The following CFAP97D2 variants were observed in gnomAD, a reference collection of about 807,000 sequenced individuals.
CFAP97D2 encodes CFAP97 domain containing 2, also known as uncharacterized protein CFAP97D2.
intron 4 of CFAP97D2, among the ~76,000 whole-genome samples, chr13:114,216,618 A>G (rs2080994527): frequency 1.3e-5 from 2 of 152,122 alleles, no homozygotes; most frequent in Admixed American, 1.3e-4. Flanking sequence ...AAGGACATGA[A>G]CTCATCCTTT....
rs1417990488 is a variant in CFAP97D2 at position 114,222,218 on chromosome 13, C to T, written c.481-280C>T. Among the ~76,000 whole-genome samples, 1 of 151,902 alleles carries T rather than the reference C, an allele frequency of 6.6e-6. No individual in the cohort carries two copies. Among genetic ancestry groups the T allele is most frequent in the African/African-American group, 2.4e-5 (1 of 41,366 alleles). On this transcript the variant is annotated intron_variant, in intron 4 of 4. Transcript: ENST00000646158. The surrounding 1 kb of genome is among the most constrained non-coding windows in gnomAD (Gnocchi z 4.4). ...GGGGAAGGGAAATTGGGGAGTGATCCCAAAGGAGTTTGATTTTTGGAGGGG... is the reference window on the plus strand; with the variant it reads ...GGGGAAGGGAAATTGGGGAGTGATCTCAAAGGAGTTTGATTTTTGGAGGGG...
At chr13:114,212,488 G>T (rs1374956707) in intron 4 of CFAP97D2, among the ~76,000 whole-genome samples, 1 of 152,184 alleles carries the variant, frequency 6.6e-6, no homozygotes, top group Admixed American at 6.5e-5. Flanking sequence ...GCTGAGGTAG[G>T]AGCATCGCTT....
At chr13:114,196,358 A>T in intron 1 of CFAP97D2, 38 bp from the exon 2 acceptor site, 1 of 399,568 alleles carries the variant, frequency 2.5e-6, no homozygotes, top group Non-Finnish European at 4.4e-6. Flanking sequence ...TCTGTTTCCA[A>T]TACTGCGCCC....
Position 114,184,352 on chromosome 13 carries a change from G to A in CFAP97D2, c.90+4932G>A, listed in dbSNP as rs78862386. ...AATAATGAATGAGAATTTCCACCAC[G>A]TTAATGTCAGACACCAAGCCACAGA... On this transcript the variant is annotated intron_variant, in intron 1 of 4. Coordinates refer to ENST00000646158, the Ensembl canonical transcript of CFAP97D2. Among the ~76,000 whole-genome samples, 1,327 of 152,324 alleles carry A rather than the reference G, an allele frequency of 8.7e-3. 98 individuals are homozygous for A. In the East Asian group the frequency reaches 0.19, roughly 22 times the overall value.
At position 114,185,405 on chromosome 13, in the gene CFAP97D2, G is replaced by A. The variant is rs1188983236; in HGVS notation, c.90+5985G>A. On this transcript the variant is annotated intron_variant, in intron 1 of 4. Transcript: ENST00000646158. The surrounding 1 kb of genome is among the most constrained non-coding windows in gnomAD (Gnocchi z 5.2). ...GACCTGGAACCCCCACCCCGGCTGT[G>A]AGGAGGCATGGCCAGGGCTGCACAC... Among the ~76,000 whole-genome samples, 1 of 152,206 alleles carries A rather than the reference G, an allele frequency of 6.6e-6. No homozygotes were observed. The highest frequency in any genetic ancestry group is 1.5e-5 in the Non-Finnish European group (1 of 68,026).
chr13:114,220,300 T>C (rs1451321447), intron 4 of CFAP97D2, among the ~76,000 whole-genome samples: 1 of 152,010 alleles, frequency 6.6e-6, no homozygotes, highest in Admixed American at 6.6e-5. Flanking sequence ...ACTTTACCTT[T>C]ATAGTCCCAG....
chr13:114,209,540 A>G (rs2138780303), intron 3 of CFAP97D2, among the ~76,000 whole-genome samples: 1 of 152,192 alleles, frequency 6.6e-6, no homozygotes. Flanking sequence ...CTTCACCTAA[A>G]TGTCACATGG....
At chr13:114,197,994 T>G (rs183950584) in intron 2 of CFAP97D2, among the ~76,000 whole-genome samples, 12 of 152,226 alleles carry the variant, frequency 7.9e-5, no homozygotes, top group South Asian at 6.2e-4. Flanking sequence ...TTTTCTTTTT[T>G]TATTTTGTTT....
intron 1 of CFAP97D2, among the ~76,000 whole-genome samples, chr13:114,194,688 C>T (rs117302734): frequency 0.012 from 1,758 of 151,348 alleles, 97 homozygotes; most frequent in Admixed American, 0.081. Flanking sequence ...ACTGCTTCTA[C>T]GTTTACCAAC....
intron 1 of CFAP97D2, among the ~76,000 whole-genome samples, chr13:114,182,527 C>A (rs1273628657): frequency 6.6e-6 from 1 of 151,766 alleles, no homozygotes; most frequent in Non-Finnish European, 1.5e-5. Context: ...TCTTTCTCAT[C>A]CCACGAGGCC....
chr13:114,216,233 A>G (rs1482293716), intron 4 of CFAP97D2, among the ~76,000 whole-genome samples: 1 of 152,010 alleles, frequency 6.6e-6, no homozygotes, highest in African/African-American at 2.4e-5. Flanking sequence ...TTTTATCCAC[A>G]TTGTCACCTC....
chr13:114,188,513 C>T (rs757929340), intron 1 of CFAP97D2, among the ~76,000 whole-genome samples: 25 of 152,070 alleles, frequency 1.6e-4, no homozygotes, highest in South Asian at 2.1e-4. Context: ...TGCAGTGGCT[C>T]ATGCCTGTAA....
In CFAP97D2 at chr13:114,207,494, G is replaced by T. The variant is rs186333348; in HGVS notation, c.291-4418G>T. Among the ~76,000 whole-genome samples the T allele has an allele frequency of 6.6e-6, 1 of 152,128 alleles. No individual in the cohort carries two copies. The highest frequency in any genetic ancestry group is 6.5e-5 in the Admixed American group (1 of 15,274). ...GGCATTAGATTTTCATAAGGAACAC[G>T]CAGCTTAGATCTCTCGAACGTGCAG... On this transcript the variant is annotated intron_variant, in intron 3 of 4. Coordinates refer to ENST00000646158, the Ensembl canonical transcript of CFAP97D2. The surrounding 1 kb of genome is among the most constrained non-coding windows in gnomAD (Gnocchi z 4.9).
rs185483852 is a variant in CFAP97D2, at chr13:114,182,118, A to G, written c.90+2698A>G. 7.0e-4 allele frequency among the ~76,000 whole-genome samples: 106 copies of G among 150,484 alleles called. 1 individual carries two copies. The highest frequency in any genetic ancestry group is 1.3e-3 in the South Asian group (6 of 4,722). Reference sequence around the variant, plus strand: ...GATTATTATTTTCATTATTTCAGCAAAAAGGAAAGTAGTAGGAGAGCAGGG... The same window carrying G: ...GATTATTATTTTCATTATTTCAGCAGAAAGGAAAGTAGTAGGAGAGCAGGG... On this transcript the variant is annotated intron_variant, in intron 1 of 4. Transcript: ENST00000646158.
intron 3 of CFAP97D2, among the ~76,000 whole-genome samples, chr13:114,208,730 A>G (rs1051635428): frequency 2.0e-5 from 3 of 152,216 alleles, no homozygotes; most frequent in Non-Finnish European, 2.9e-5. Flanking sequence ...GGATGCCTGA[A>G]TTCTATCCAT....
intron 3 of CFAP97D2, among the ~76,000 whole-genome samples, chr13:114,209,901 A>T (rs1456558112): frequency 6.6e-6 from 1 of 152,216 alleles, no homozygotes; most frequent in Non-Finnish European, 1.5e-5. Context: ...CTGAACAATC[A>T]AATGAGGTCA....
chr13:114,215,108 T>C (rs2080987819), intron 4 of CFAP97D2, among the ~76,000 whole-genome samples: 1 of 152,162 alleles, frequency 6.6e-6, no homozygotes, highest in Admixed American at 6.6e-5. Context: ...TACCACCTAA[T>C]TGCCCCCCAC....
At position 114,186,348 on chromosome 13, in the gene CFAP97D2, G is replaced by C. The variant is rs2080853282; in HGVS notation, c.90+6928G>C. Among the ~76,000 whole-genome samples the C allele has an allele frequency of 6.6e-6, 1 of 152,194 alleles. No individual in the cohort carries two copies. The highest frequency in any genetic ancestry group is 2.1e-4 in the South Asian group (1 of 4,838). ...TGGCTATGGAGAGGAGCTGCCCACT[G>C]TGGGTCTCCTCTGAGCTGTTCTATT... is the stretch of plus-strand genomic sequence containing the variant. On this transcript the variant is annotated intron_variant, in intron 1 of 4. Transcript: ENST00000646158. The surrounding 1 kb of genome is among the most constrained non-coding windows in gnomAD (Gnocchi z 4.3).
chr13:114,190,616 C>T (rs1054951576), intron 1 of CFAP97D2, among the ~76,000 whole-genome samples: 3 of 152,092 alleles, frequency 2.0e-5, no homozygotes, highest in African/African-American at 4.8e-5. Flanking sequence ...AAGAAAACTA[C>T]AAAACTCTGA....
Sources: gnomAD v4.1 joint callset for allele counts (sites outside exome capture counted in the v4.1 genomes callset) on GRCh38, gnomAD v4.1.1 for gene constraint, Gnocchi (gnomAD v3.1) non-coding constraint, MANE v1.5 for transcripts, NCBI Gene and HGNC (gene_info 2026-07-23, HGNC 2026-07-21) for gene names.